The following ZNF79 variants were observed in gnomAD, a reference collection of about 807,000 sequenced individuals.
ZNF79 encodes the protein zinc finger protein 79.
ZNF79 carries 13 observed loss-of-function variants against 14.9 expected under a neutral mutation model. The observed-to-expected ratio is 0.87, with a 90% CI of 0.57 to 1.38. The LOEUF is 1.38. Ranked by LOEUF, ZNF79 falls within the 40% of genes most tolerant of loss-of-function variation. The pLI, the probability that ZNF79 is intolerant of heterozygous loss-of-function variation, is 0.00. For synonymous variants in ZNF79, 223 were observed against 235.1 expected (o/e 0.95, Z 0.47); for missense variants, 631 against 630.6 (o/e 1.00, Z -0.01).
In ZNF79 at chr9:127,428,876, G is replaced by C; in HGVS notation, c.61G>C (p.Gly21Arg). ...TGCCCTTCCCCAAGAGGAAAACACA[G>C]GAGAGGAAGGAATGGCTGCTGGTCT... ...GPALPQEENT[G>R]EEGMAAGLLT... Residue 21 changes from glycine to arginine, a missense_variant, in exon 2 of 5, where the codon GGA becomes CGA. Physicochemically the swap from Gly to Arg is moderately radical, Grantham distance 125 (BLOSUM62 -2). Transcript: ENST00000342483. The C allele has an allele frequency of 6.2e-7, 1 of 1,605,510 alleles. No individual in the cohort carries two copies. The highest frequency in any genetic ancestry group is 8.5e-7 in the Non-Finnish European group (1 of 1,175,408).
chr9:127,432,446 G>T (rs916158397), intron 2 of ZNF79, among the ~76,000 whole-genome samples: 1 of 151,772 alleles, frequency 6.6e-6, no homozygotes, highest in Non-Finnish European at 1.5e-5. Context: ...CACCACGCCC[G>T]GCCTAAAATT....
chr9:127,443,982 T>C, intron 4 of ZNF79, 47 bp from the exon 5 acceptor site: 1 of 1,514,452 alleles, frequency 6.6e-7, no homozygotes, highest in Non-Finnish European at 8.8e-7. Flanking sequence ...CAGCCTTTGG[T>C]ATTCCTTCCA....
At chr9:127,432,304 C>T (rs1401084220) in intron 2 of ZNF79, among the ~76,000 whole-genome samples, 1 of 151,946 alleles carries the variant, frequency 6.6e-6, no homozygotes, top group Non-Finnish European at 1.5e-5. Context: ...TCCGCCACCA[C>T]ACCCGGCTAA....
At chr9:127,435,482 G>A (rs1377145232) in intron 3 of ZNF79, among the ~76,000 whole-genome samples, 1 of 152,194 alleles carries the variant, frequency 6.6e-6, no homozygotes, top group Non-Finnish European at 1.5e-5. Context: ...TGTTCAGTAC[G>A]TTTCCATCTT....
rs1833972431 is a variant in ZNF79, at chr9:127,437,523, T to G, written c.328+1520T>G. Among the ~76,000 whole-genome samples, 2 of 151,688 alleles carry G rather than the reference T, an allele frequency of 1.3e-5. 1 individual carries two copies. Among genetic ancestry groups the G allele is most frequent in the South Asian group, 4.2e-4 (2 of 4,758 alleles). ...GACCCTGAAAAGGTCGCTGTATTAG[T>G]TTTTTGGGGCTCTCATAAGAAATAA... On this transcript the variant is annotated intron_variant, in intron 4 of 4. Transcript: ENST00000342483.
rs1833855145 is a variant in ZNF79, at chr9:127,431,283, G to GTCTCACT, written c.105+2364_105+2370dup. Among the ~76,000 whole-genome samples, 3 of 148,752 alleles carry GTCTCACT rather than the reference G, an allele frequency of 2.0e-5. No individual in the cohort carries two copies. The South Asian group carries it at 6.4e-4, about 32-fold the overall frequency. ...TCTTTTTTTTTTTTTTAGAGACAGA[G>GTCTCACT]TCTCACTCTGTCACCCAGTCTGGAG... On this transcript the variant is annotated intron_variant, in intron 2 of 4. Transcript: ENST00000342483.
chr9:127,427,981 C>G (rs1006923184), intron 1 of ZNF79, among the ~76,000 whole-genome samples: 4 of 151,888 alleles, frequency 2.6e-5, no homozygotes, highest in Admixed American at 1.3e-4. Context: ...AGAGTTCTAC[C>G]CCTTTTTCTT....
rs779229429 is a variant in ZNF79 at position 127,435,905 on chromosome 9, T to C, written c.233-3T>C. ...CTAAAGCCTGTTTTTTCCCGTTGAATAGGACTTCCAGTTTCCCAGCCTGGC... is the reference window on the plus strand; with the variant it reads ...CTAAAGCCTGTTTTTTCCCGTTGAACAGGACTTCCAGTTTCCCAGCCTGGC... On this transcript the variant is annotated splice_polypyrimidine_tract_variant and splice_region_variant and intron_variant, in intron 3 of 4. Transcript: ENST00000342483. The C allele has an allele frequency of 1.2e-6, 2 of 1,613,982 alleles. No homozygotes were observed. Among genetic ancestry groups the C allele is most frequent in the South Asian group, 1.1e-5 (1 of 91,080 alleles).
In ZNF79 at chr9:127,444,649, A is replaced by T; in HGVS notation, c.949A>T (p.Ser317Cys). The T allele has an allele frequency of 6.2e-7, 1 of 1,613,718 alleles. No homozygotes were observed. Among genetic ancestry groups the T allele is most frequent in the African/African-American group, 1.3e-5 (1 of 74,876 alleles). ...CSDCGKAFRHSANLTNHQRTH... is the reference protein window; with the variant it reads ...CSDCGKAFRHCANLTNHQRTH... ...CGACTGTGGGAAGGCCTTCCGTCAC[A>T]GTGCAAACCTCACGAACCATCAGAG... Residue 317 changes from serine (S) to cysteine (C), a missense_variant, in exon 5 of 5, where the codon AGT becomes TGT. By Grantham distance (112) the Ser-to-Cys change is moderately radical (BLOSUM62 -1). Coordinates refer to ENST00000342483, the MANE Select transcript of ZNF79 (RefSeq NM_007135.3).
chr9:127,425,495 C>G (rs1243476330), intron 1 of ZNF79, among the ~76,000 whole-genome samples: 1 of 152,222 alleles, frequency 6.6e-6, no homozygotes, highest in Non-Finnish European at 1.5e-5. Flanking sequence ...ACCCCTAGAT[C>G]AACTGTATTT....
chr9:127,431,348 C>A (rs542571497), intron 2 of ZNF79, among the ~76,000 whole-genome samples: 6 of 151,930 alleles, frequency 3.9e-5, no homozygotes, highest in African/African-American at 7.3e-5. Flanking sequence ...CCTCCACCCC[C>A]CCAATGCTCA....
intron 4 of ZNF79, among the ~76,000 whole-genome samples, chr9:127,442,269 C>T (rs1323497246): frequency 3.3e-5 from 5 of 151,300 alleles, no homozygotes; most frequent in Non-Finnish European, 5.9e-5. Flanking sequence ...GGCATGGTGG[C>T]GGGCACCTGT....
chr9:127,438,262 C>T (rs7037502), intron 4 of ZNF79, among the ~76,000 whole-genome samples: 3,314 of 152,270 alleles, frequency 0.022, 144 homozygotes, highest in African/African-American at 0.076. Context: ...AAGTCCAGGC[C>T]TCCAGAACTA....
chr9:127,429,010 TTTTC>T lies in ZNF79; in HGVS notation c.105+102_105+105del, dbSNP rs1175288650. ...CCTTGTTTTTTGTTGTCATTGTTTG[TTTTC>T]TTTCTTTCTTTATTTTTTGAGACTG... On this transcript the variant is annotated intron_variant, in intron 2 of 4. Transcript: ENST00000342483. The T allele has an allele frequency of 1.1e-5, 10 of 890,718 alleles. No homozygotes were observed. The East Asian group carries it at 1.8e-4, about 16-fold the overall frequency. The allele number at this position is 890,718 out of a possible 1,614,324, so 55.2% of individuals were successfully genotyped here.
Position 127,444,195 on chromosome 9 carries a change from G to C in ZNF79, c.495G>C (p.Val165=), listed in dbSNP as rs1256983778. 3 of 1,614,044 alleles carry C rather than the reference G, an allele frequency of 1.9e-6. No homozygotes were observed. The highest frequency in any genetic ancestry group is 2.5e-6 in the Non-Finnish European group (3 of 1,180,028). Residue 165 remains valine, a synonymous_variant, in exon 5 of 5, where the codon GTG becomes GTC. Transcript: ENST00000342483. Reference sequence around the variant, plus strand: ...TCTCTCCGCAACAGAGAGTGCCCGTGGAAGCGAGACCTCGCAAATGTGAGA... The same window carrying C: ...TCTCTCCGCAACAGAGAGTGCCCGTCGAAGCGAGACCTCGCAAATGTGAGA... ...PVLSPQQRVP[V]EARPRKCETH... is the part of the protein sequence containing the mutation.
Position 127,444,320 on chromosome 9 carries a change from C to G in ZNF79, c.620C>G (p.Ser207Cys), listed in dbSNP as rs777126656. 1 of 1,614,060 alleles carries G rather than the reference C, an allele frequency of 6.2e-7. No individual in the cohort carries two copies. Among genetic ancestry groups the G allele is most frequent in the Non-Finnish European group, 8.5e-7 (1 of 1,180,062 alleles). Reference sequence around the variant, plus strand: ...GGCAAAGCCTTCAGTTACTGTTCTTCCCTTTCTCAGCATCAGAAGAGCCAC... The same window carrying G: ...GGCAAAGCCTTCAGTTACTGTTCTTGCCTTTCTCAGCATCAGAAGAGCCAC... ...ECGKAFSYCS[S>C]LSQHQKSHTG... The change falls in exon 5 of 5, where the codon TCC becomes TGC. Residue 207 changes from serine (S) to cysteine (C), a missense_variant. By Grantham distance (112) the Ser-to-Cys change is moderately radical. Coordinates refer to ENST00000342483, the MANE Select transcript of ZNF79 (RefSeq NM_007135.3).
chr9:127,435,580 A>G (rs1301733116), intron 3 of ZNF79, among the ~76,000 whole-genome samples: 1 of 152,066 alleles, frequency 6.6e-6, no homozygotes, highest in Admixed American at 6.5e-5. Flanking sequence ...GAAACGTTTT[A>G]TGTAGCCTTG....
intron 4 of ZNF79, among the ~76,000 whole-genome samples, chr9:127,438,643 C>T (rs1163825632): frequency 6.6e-6 from 1 of 152,164 alleles, no homozygotes; most frequent in Non-Finnish European, 1.5e-5. Flanking sequence ...TCTTCCTGGC[C>T]TCTGTGCAGC....
chr9:127,437,693 G>T (rs1300030540), intron 4 of ZNF79, among the ~76,000 whole-genome samples: 1 of 151,734 alleles, frequency 6.6e-6, no homozygotes, highest in Non-Finnish European at 1.5e-5. Flanking sequence ...AGTTTCCGGT[G>T]GTTGCCCGCA....
Sources: allele counts gnomAD v4.1 joint callset (sites outside exome capture counted in the v4.1 genomes callset), GRCh38; gene constraint gnomAD v4.1.1; transcripts MANE v1.5; gene names NCBI Gene and HGNC (gene_info 2026-07-23, HGNC 2026-07-21).